The following CTDP1 variants were observed in gnomAD, a reference collection of about 807,000 sequenced individuals.
CTDP1 encodes the protein CTD phosphatase 1, also known as RNA polymerase II subunit A C-terminal domain phosphatase.
In CTDP1, 47 loss-of-function variants were observed where a neutral mutation model predicts 91.8. The ratio of observed to expected loss-of-function variants is 0.51; its 90% CI spans 0.41 to 0.65. The LOEUF is 0.65. Among genes scored for constraint, CTDP1 ranks in the 30% least tolerant of loss-of-function variants. The pLI, the probability that CTDP1 is intolerant of heterozygous loss-of-function variation, is 0.00. For synonymous variants in CTDP1, 656 were observed against 598.5 expected, an observed-to-expected ratio of 1.10 and a Z score of -1.40; for missense variants, 1,272 against 1,373.7, an observed-to-expected ratio of 0.93 and a Z score of 1.17.
chr18:79,725,509 C>T (rs1044411769), intron 10 of CTDP1, among the ~76,000 whole-genome samples: 3 of 151,844 alleles, frequency 2.0e-5, no homozygotes, highest in Non-Finnish European at 2.9e-5. Context: ...GGAATTGCTC[C>T]GCTTACCTTC....
At chr18:79,698,587 C>G (rs116826325) in intron 4 of CTDP1, among the ~76,000 whole-genome samples, 2 of 152,248 alleles carry the variant, frequency 1.3e-5, no homozygotes, top group African/African-American at 2.4e-5. Context: ...ATTTCTAGAC[C>G]GAAGGCTTTG....
chr18:79,714,444 G>A, intron 7 of CTDP1, 47 bp from the exon 8 acceptor site: 2 of 1,597,442 alleles, frequency 1.3e-6, no homozygotes, highest in Non-Finnish European at 1.7e-6. Flanking sequence ...GTTATTTAAT[G>A]TTTAATGCTA....
At chr18:79,746,763 C>T (rs540228351) in intron 12 of CTDP1, among the ~76,000 whole-genome samples, 172 of 152,234 alleles carry the variant, frequency 1.1e-3, no homozygotes, top group African/African-American at 3.7e-3. Flanking sequence ...ACCACAGGTG[C>T]GCACCACCAT....
At chr18:79,696,203 C>T (rs1004971940) in intron 3 of CTDP1, 133 bp downstream of exon 3, 42 of 784,104 alleles carry the variant, frequency 5.4e-5, no homozygotes, top group African/African-American at 3.2e-4. Context: ...CCTCATCACA[C>T]GGATGACTTA....
chr18:79,731,218 G>A (rs1428460910), intron 11 of CTDP1, among the ~76,000 whole-genome samples: 1 of 152,226 alleles, frequency 6.6e-6, no homozygotes, highest in African/African-American at 2.4e-5. Context: ...TCTGGAACCA[G>A]GGTCAAGTGC....
At chr18:79,738,056 G>T (rs1478635652) in intron 12 of CTDP1, among the ~76,000 whole-genome samples, 10 of 147,928 alleles carry the variant, frequency 6.8e-5, no homozygotes, top group African/African-American at 2.5e-4. Context: ...GCCCCCGGGA[G>T]TTGCCTTCCC....
chr18:79,740,313 A>G (rs1327463088), intron 12 of CTDP1, among the ~76,000 whole-genome samples: 1 of 152,148 alleles, frequency 6.6e-6, no homozygotes, highest in Non-Finnish European at 1.5e-5. Flanking sequence ...GTGCCCCTCA[A>G]AAGGGTGGGG....
At chr18:79,693,714 T>A (rs1304910579) in intron 1 of CTDP1, among the ~76,000 whole-genome samples, 1 of 152,124 alleles carries the variant, frequency 6.6e-6, no homozygotes, top group Non-Finnish European at 1.5e-5. Context: ...CCGTGTGTCC[T>A]CAGCACCGTT....
intron 12 of CTDP1, among the ~76,000 whole-genome samples, chr18:79,739,342 G>A (rs549529149): frequency 4.6e-5 from 7 of 152,208 alleles, no homozygotes; most frequent in South Asian, 2.1e-4. Context: ...TCAGCGGGTC[G>A]GGACCCAGAG....
chr18:79,747,110 AT>A (rs2086897322), intron 12 of CTDP1, among the ~76,000 whole-genome samples: 1 of 152,058 alleles, frequency 6.6e-6, no homozygotes, highest in African/African-American at 2.4e-5. Flanking sequence ...AGAGACATTA[AT>A]TTTTTTCCAG....
chr18:79,738,502 C>T (rs1209767570), intron 12 of CTDP1, among the ~76,000 whole-genome samples: 7 of 152,242 alleles, frequency 4.6e-5, no homozygotes, highest in African/African-American at 1.7e-4. Context: ...CTTCAGCAGG[C>T]TAGCAGGGGG....
At position 79,734,909 on chromosome 18, in the gene CTDP1, C is replaced by A. The variant is rs1039266057; in HGVS notation, c.2581-1446C>A. Among the ~76,000 whole-genome samples the A allele has an allele frequency of 3.9e-5, 6 of 152,292 alleles. No individual in the cohort carries two copies. In the East Asian group the frequency reaches 1.2e-3, roughly 29 times the overall value. ...CTGGGAACATGTTACTTTTAGAGATCATTATAATGACCTGATGATAAAGCC... is the reference window on the plus strand; with the variant it reads ...CTGGGAACATGTTACTTTTAGAGATAATTATAATGACCTGATGATAAAGCC... On this transcript the variant is annotated intron_variant, in intron 11 of 12. Transcript: ENST00000613122.
intron 12 of CTDP1, among the ~76,000 whole-genome samples, chr18:79,750,526 C>T (rs1430757655): frequency 6.6e-6 from 1 of 151,734 alleles, no homozygotes; most frequent in Admixed American, 6.6e-5. Context: ...CAGAGTCTCG[C>T]TCTGTCACCC....
chr18:79,679,354 G>C (rs893314213), upstream of CTDP1: 5 of 450,272 alleles, frequency 1.1e-5, no homozygotes, highest in Admixed American at 2.4e-5. Context: ...CGGCGCGCAA[G>C]GCATGCCGGG....
In CTDP1 at chr18:79,697,901, C is replaced by T; in HGVS notation, c.534C>T (p.His178=). ...QLGREDQQRL[H]RNRKLVLMVD... ...GAAGAGAAGACCAGCAGCGACTGCA[C>T]CGAAACCGGAAGCTGGTGCTCATGG... is the stretch of plus-strand genomic sequence containing the variant. Residue 178 remains histidine, a synonymous_variant, in exon 4 of 13, where the codon CAC becomes CAT. Transcript: ENST00000613122. 3 of 1,614,212 alleles carry T rather than the reference C, an allele frequency of 1.9e-6. No homozygotes were observed. The highest frequency in any genetic ancestry group is 2.2e-5 in the East Asian group (1 of 44,884).
intron 1 of CTDP1, among the ~76,000 whole-genome samples, chr18:79,687,950 G>C (rs2085540021): frequency 1.3e-5 from 2 of 152,224 alleles, no homozygotes; most frequent in South Asian, 4.1e-4. Context: ...ACTCGCTCTA[G>C]ACCACAGTGG....
intron 1 of CTDP1, among the ~76,000 whole-genome samples, chr18:79,687,636 C>T (rs1411225913): frequency 3.1e-4 from 47 of 151,716 alleles, no homozygotes; most frequent in African/African-American, 1.7e-4. Flanking sequence ...GGGCCTGCAC[C>T]GCAGCAGTTG....
chr18:79,736,189 A>G (rs2086663375), intron 11 of CTDP1, 166 bp from the exon 12 acceptor site: 1 of 836,220 alleles, frequency 1.2e-6, no homozygotes, highest in South Asian at 1.6e-5. Flanking sequence ...GGGCTTTGTT[A>G]AGGATTGGTT....
chr18:79,682,622 C>T (rs3859316), intron 1 of CTDP1, among the ~76,000 whole-genome samples: 1 of 152,084 alleles, frequency 6.6e-6, no homozygotes, highest in East Asian at 1.9e-4. Flanking sequence ...ATGGGTTCCA[C>T]GCCCAACACT....
Sources: allele counts gnomAD v4.1 joint callset (sites outside exome capture counted in the v4.1 genomes callset), GRCh38; gene constraint gnomAD v4.1.1; transcripts MANE v1.5; gene names NCBI Gene and HGNC (gene_info 2026-07-23, HGNC 2026-07-21).